GEMIN5: variants seen among roughly 807,000 people sequenced by gnomAD.
GEMIN5 encodes gem-associated protein 5.
GEMIN5 carries 124 observed loss-of-function variants against 176.9 expected under a neutral mutation model. The ratio of observed to expected loss-of-function variants is 0.70; its 90% CI spans 0.61 to 0.81. GEMIN5 has a LOEUF of 0.81. Among genes scored for constraint, GEMIN5 ranks in the 40% least tolerant of loss-of-function variants. GEMIN5 has a pLI of 0.00. For synonymous variants in GEMIN5, 673 were observed against 665.2 expected (o/e 1.01, Z -0.18); for missense variants, 1,843 against 1,814.6 (o/e 1.02, Z -0.28).
chr5:154,926,367 T>A (rs1346661092), intron 7 of GEMIN5, among the ~76,000 whole-genome samples: 1 of 152,096 alleles, frequency 6.6e-6, no homozygotes, highest in African/African-American at 2.4e-5. Context: ...TCTGTCCTAT[T>A]ATAGCACTGG....
intron 8 of GEMIN5, among the ~76,000 whole-genome samples, chr5:154,924,905 C>T (rs1294031017): frequency 1.2e-4 from 18 of 151,948 alleles, no homozygotes; most frequent in Admixed American, 9.2e-4. Context: ...AGGAGAAAGG[C>T]GTGAACCCGG....
intron 21 of GEMIN5, among the ~76,000 whole-genome samples, chr5:154,900,666 G>C (rs1054328867): frequency 6.6e-6 from 1 of 152,202 alleles, no homozygotes; most frequent in Non-Finnish European, 1.5e-5. Context: ...GGAGGAAGCT[G>C]TCCAGAGAAA....
At chr5:154,891,160 G>A in intron 26 of GEMIN5, 81 bp downstream of exon 26, 1 of 1,310,920 alleles carries the variant, frequency 7.6e-7, no homozygotes, top group Non-Finnish European at 1.0e-6. Flanking sequence ...CTCCCAAAGT[G>A]CTGGGATTAT....
At chr5:154,901,615 G>T in intron 20 of GEMIN5, 129 bp from the exon 21 acceptor site, 1 of 704,494 alleles carries the variant, frequency 1.4e-6, no homozygotes, top group South Asian at 1.9e-5. Flanking sequence ...TACCAATTCA[G>T]CTGCCATTAT....
chr5:154,893,864 C>T (rs1763292060), intron 24 of GEMIN5, among the ~76,000 whole-genome samples: 1 of 152,206 alleles, frequency 6.6e-6, no homozygotes, highest in Non-Finnish European at 1.5e-5. Flanking sequence ...TTGCCTCAGC[C>T]TCCAGAGTGG....
At chr5:154,904,848 C>T (rs1043859440) in intron 17 of GEMIN5, among the ~76,000 whole-genome samples, 2 of 152,174 alleles carry the variant, frequency 1.3e-5, no homozygotes, top group African/African-American at 4.8e-5. Context: ...GTGTCAACAA[C>T]TGCAAAACAT....
At chr5:154,916,457 T>C (rs1249761582) in intron 13 of GEMIN5, among the ~76,000 whole-genome samples, 1 of 152,140 alleles carries the variant, frequency 6.6e-6, no homozygotes, top group Non-Finnish European at 1.5e-5. Flanking sequence ...CACTGGTTAT[T>C]GAATGATGAA....
chr5:154,899,364 G>C (rs1763419994), intron 21 of GEMIN5, 54 bp from the exon 22 acceptor site: 3 of 1,433,328 alleles, frequency 2.1e-6, no homozygotes, highest in Non-Finnish European at 2.8e-6. Context: ...TCTGTGTATG[G>C]TCCTAGGAGG....
At position 154,937,997 on chromosome 5, in the gene GEMIN5, C is replaced by T; in HGVS notation, c.137G>A (p.Gly46Asp). 6.4e-7 allele frequency: 1 copy of T among 1,572,638 alleles called. No homozygotes were observed. The highest frequency in any genetic ancestry group is 1.8e-5 in the Admixed American group (1 of 54,956). Residue 46 changes from glycine to aspartate, a missense_variant, in exon 1 of 28, where the codon GGC becomes GAC. Physicochemically the swap from Gly to Asp is moderately conservative, Grantham distance 94. Coordinates refer to ENST00000285873, the MANE Select transcript of GEMIN5 (RefSeq NM_015465.5). ...VFLVRVGPGA[G>D]ESPGTPPFRV... ...AAACGGGGGTGTCCCTGGACTCTCGCCTGCGCCCGGGCCCACGCGGACAAG... is the reference window on the plus strand; with the variant it reads ...AAACGGGGGTGTCCCTGGACTCTCGTCTGCGCCCGGGCCCACGCGGACAAG...
At chr5:154,901,619 C>A in intron 20 of GEMIN5, 133 bp from the exon 21 acceptor site, 1 of 682,316 alleles carries the variant, frequency 1.5e-6, no homozygotes, top group Non-Finnish European at 2.5e-6. Context: ...AATTCAGCTG[C>A]CATTATGGAT....
chr5:154,911,922 A>G (rs762461446), intron 14 of GEMIN5, 24 bp from the exon 15 acceptor site: 1 of 1,602,548 alleles, frequency 6.2e-7, no homozygotes, highest in Admixed American at 1.7e-5. Flanking sequence ...CACATGGCCG[A>G]AAAGACATTT....
intron 21 of GEMIN5, among the ~76,000 whole-genome samples, chr5:154,899,913 A>T: frequency 6.6e-6 from 1 of 151,980 alleles, no homozygotes; most frequent in Non-Finnish European, 1.5e-5. Context: ...CTGCTTTTTC[A>T]TAGAACCTTC....
chr5:154,917,013 G>T lies in GEMIN5; in HGVS notation c.1840C>A (p.Leu614Met). Reference protein sequence around the residue: ...SNNAVIYVHNLKTVIESSPES... With the variant: ...SNNAVIYVHNMKTVIESSPES... ...CCAAAGTTACCTATGACAGTCTTCA[G>T]GTTGTGCACGTAAATGACTGCATTG... Residue 614 changes from leucine to methionine, a missense_variant, in exon 13 of 28, where the codon CTG (leucine) becomes ATG (methionine). Physicochemically the swap from Leu to Met is conservative, Grantham distance 15. Coordinates refer to ENST00000285873, the MANE Select transcript of GEMIN5 (RefSeq NM_015465.5). The T allele has an allele frequency of 6.3e-7, 1 of 1,587,278 alleles. No homozygotes were observed. The highest frequency in any genetic ancestry group is 8.6e-7 in the Non-Finnish European group (1 of 1,160,104).
Position 154,912,949 on chromosome 5 carries a change from G to A in GEMIN5, c.1945C>T (p.Pro649Ser), listed in dbSNP as rs1355840386. ...GATACCAGCCTTCCATCATGATGTG[G>A]GCTCCACGCCACACTGGTAATCTTG... Reference protein sequence around the residue: ...TAKITSVAWSPHHDGRLVSAS... With the variant: ...TAKITSVAWSSHHDGRLVSAS... The change falls in exon 14 of 28, where the codon CCA becomes TCA. Residue 649 changes from proline (P) to serine (S), a missense_variant. Physicochemically the swap from Pro to Ser is moderately conservative, Grantham distance 74. Coordinates refer to ENST00000285873, the MANE Select transcript of GEMIN5 (RefSeq NM_015465.5). 2 of 1,613,700 alleles carry A rather than the reference G, an allele frequency of 1.2e-6. No homozygotes were observed. Among genetic ancestry groups the A allele is most frequent in the East Asian group, 2.2e-5 (1 of 44,888 alleles).
At chr5:154,919,225 G>C (rs1011245139) in intron 11 of GEMIN5, among the ~76,000 whole-genome samples, 1 of 151,990 alleles carries the variant, frequency 6.6e-6, no homozygotes, top group Non-Finnish European at 1.5e-5. Flanking sequence ...CAGATACTTG[G>C]GAGGCTGAGG....
intron 16 of GEMIN5, among the ~76,000 whole-genome samples, 162 bp downstream of exon 16, chr5:154,907,429 G>A (rs900647186): frequency 1.4e-5 from 2 of 147,068 alleles, no homozygotes; most frequent in Admixed American, 1.4e-4. Context: ...CTTCAAAGAT[G>A]TTTATTTTAG....
At chr5:154,922,448 C>T (rs1217105515) in intron 9 of GEMIN5, among the ~76,000 whole-genome samples, 1 of 151,954 alleles carries the variant, frequency 6.6e-6, no homozygotes, top group Non-Finnish European at 1.5e-5. Flanking sequence ...AGCCACTGTG[C>T]CCGGCCTACT....
At chr5:154,926,193 G>A (rs762124292) in intron 7 of GEMIN5, 119 bp from the exon 8 acceptor site, 54 of 622,138 alleles carry the variant, frequency 8.7e-5, no homozygotes, top group Non-Finnish European at 1.4e-4. Flanking sequence ...ATGTCTTCCA[G>A]CAGGAATTGA....
At chr5:154,906,626 G>A (rs1763573950) in intron 16 of GEMIN5, among the ~76,000 whole-genome samples, 1 of 152,164 alleles carries the variant, frequency 6.6e-6, no homozygotes, top group African/African-American at 2.4e-5. Flanking sequence ...GCCCAGGCTG[G>A]CCTCAAGCGG....
Sources: gnomAD v4.1 joint callset for allele counts (sites outside exome capture counted in the v4.1 genomes callset) on GRCh38, gnomAD v4.1.1 for gene constraint, MANE v1.5 for transcripts, NCBI Gene and HGNC (gene_info 2026-07-23, HGNC 2026-07-21) for gene names.